Variants in UPRT observed in about 807,000 individuals in gnomAD.
The protein encoded by UPRT is uracil phosphoribosyltransferase homolog, also known as RP11-311P8.3.
A neutral mutation model predicts 22.6 loss-of-function variants in UPRT; 5 were observed. The observed-to-expected ratio is 0.22, with a 90% CI of 0.12 to 0.47. The LOEUF is 0.47. Ranked by LOEUF, UPRT falls within the 20% of genes least tolerant of loss-of-function variation. The pLI is 0.99. For synonymous variants in UPRT, 77 were observed against 87.7 expected (o/e 0.88, Z 0.68); for missense variants, 181 against 239.9 (o/e 0.75, Z 1.62).
chrX:75,182,964 T>A (rs766796719), intron 4 of UPRT, among the ~76,000 whole-genome samples: 1 of 111,251 alleles, frequency 9.0e-6, no homozygotes, highest in Admixed American at 9.6e-5. Context: ...TCTTTCTAAA[T>A]TTTTGACGTG....
upstream of UPRT, among the ~76,000 whole-genome samples, chrX:75,270,576 T>C (rs1394513450): frequency 3.6e-5 from 4 of 111,805 alleles, no homozygotes; most frequent in Non-Finnish European, 7.5e-5. Flanking sequence ...CATGCAGCTA[T>C]AAAAACAGGA....
chrX:75,162,853 G>A (rs906216710), intron 2 of UPRT, among the ~76,000 whole-genome samples: 7 of 111,902 alleles, frequency 6.3e-5, no homozygotes, highest in African/African-American at 1.3e-4. Context: ...CATCGAGGTA[G>A]TACTGAATGG....
At chrX:75,159,770 A>ATTTT (rs35651743) in intron 1 of UPRT, among the ~76,000 whole-genome samples, 3 of 46,313 alleles carry the variant, frequency 6.5e-5, no homozygotes, top group Non-Finnish European at 9.3e-5. Flanking sequence ...CTTGCCTTAA[A>ATTTT]TTTTTTTTTT....
intron 4 of UPRT, among the ~76,000 whole-genome samples, chrX:75,251,321 T>C (rs1453808819): frequency 9.0e-6 from 1 of 111,640 alleles, no homozygotes; most frequent in Non-Finnish European, 1.9e-5. Context: ...CCCGATCGTC[T>C]CAGCCCAAAA....
At chrX:75,260,388 A>G (rs2082563843) in intron 4 of UPRT, among the ~76,000 whole-genome samples, 1 of 112,291 alleles carries the variant, frequency 8.9e-6, no homozygotes, top group South Asian at 3.7e-4. Context: ...ATAGGTTCAA[A>G]ATAAAGGGAT....
intron 4 of UPRT, among the ~76,000 whole-genome samples, chrX:75,224,861 G>A (rs932226825): frequency 3.6e-5 from 4 of 111,193 alleles, no homozygotes; most frequent in South Asian, 3.8e-4. Flanking sequence ...GGGCTCTTAG[G>A]TTTAAATGCC....
At chrX:75,248,517 T>TA (rs1446337837) in intron 4 of UPRT, among the ~76,000 whole-genome samples, 1 of 111,382 alleles carries the variant, frequency 9.0e-6, no homozygotes, top group Non-Finnish European at 1.9e-5. Flanking sequence ...GAAAAAAGAC[T>TA]AAAAAGAAAT....
chrX:75,216,462 C>A (rs2082393143), intron 4 of UPRT, among the ~76,000 whole-genome samples: 1 of 112,349 alleles, frequency 8.9e-6, no homozygotes, highest in Non-Finnish European at 1.9e-5. Context: ...GCAAGAATGG[C>A]TGGATAATTC....
At position 75,274,173 on chromosome X, in the gene UPRT, G is replaced by A; in HGVS notation, c.-82G>A. On this transcript the variant is annotated 5_prime_UTR_variant, in exon 1 of 7. Coordinates refer to ENST00000373383, the MANE Select transcript of UPRT (RefSeq NM_145052.4). ...TGAGGAGGCGGGAGCAACCGAGAGAGCACGTGAGCATCTGTCCTTTCTACC... is the reference window on the plus strand; with the variant it reads ...TGAGGAGGCGGGAGCAACCGAGAGAACACGTGAGCATCTGTCCTTTCTACC... 8.8e-7 allele frequency: 1 copy of A among 1,132,291 alleles called. No individual in the cohort carries two copies. Among genetic ancestry groups the A allele is most frequent in the Admixed American group, 2.9e-5 (1 of 34,990 alleles). 93.3% of individuals were successfully genotyped at this position (1,132,291 alleles called of 1,213,427 possible). A position where few individuals can be genotyped will look rare whatever the true frequency, so the allele number is the denominator to read the frequency against.
At position 75,267,208 on chromosome X, in the gene UPRT, A is replaced by G. The variant is rs192130271; in HGVS notation, c.-446-23816A>G. Among the ~76,000 whole-genome samples the G allele has an allele frequency of 7.9e-3, 886 of 112,192 alleles. 11 individuals carry two copies. The highest frequency in any genetic ancestry group is 0.026 in the African/African-American group (816 of 30,903). The stretch of plus-strand genomic sequence containing the variant: ...CAACCGAAATGTCCATCAGTGATAG[A>G]TTGGATTAAGAAAATGTTGCACATA... On this transcript the variant is annotated intron_variant, in intron 4 of 13. Transcript: ENST00000652605.
At chrX:75,274,672 G>A (rs921759327) in intron 1 of UPRT, 32 bp downstream of exon 1, 2 of 1,163,381 alleles carry the variant, frequency 1.7e-6, no homozygotes, top group Non-Finnish European at 2.3e-6. Flanking sequence ...AAAGGGAAGT[G>A]GAGGGTCTTG....
chrX:75,209,355 C>T (rs895442542), intron 4 of UPRT, among the ~76,000 whole-genome samples: 3 of 110,642 alleles, frequency 2.7e-5, no homozygotes, highest in Non-Finnish European at 3.8e-5. Flanking sequence ...GAGCACAGTC[C>T]GACTTCCGGT....
chrX:75,265,164 T>C (rs1356935926), intron 4 of UPRT, among the ~76,000 whole-genome samples: 1 of 111,061 alleles, frequency 9.0e-6, no homozygotes, highest in Non-Finnish European at 1.9e-5. Context: ...TGTCTTGGAG[T>C]TGCTCTTCTC....
chrX:75,185,035 T>A (rs1217216859), intron 4 of UPRT, among the ~76,000 whole-genome samples: 1 of 111,482 alleles, frequency 9.0e-6, no homozygotes, highest in East Asian at 2.8e-4. Flanking sequence ...CTGATTGCCC[T>A]GGCCAGAACT....
chrX:75,249,440 A>C (rs764061739), intron 4 of UPRT, among the ~76,000 whole-genome samples: 1 of 111,942 alleles, frequency 8.9e-6, no homozygotes, highest in Non-Finnish European at 1.9e-5. Flanking sequence ...TTTTAAACCA[A>C]CAAAGATCAA....
intron 4 of UPRT, among the ~76,000 whole-genome samples, chrX:75,249,048 T>G (rs1226945030): frequency 9.0e-6 from 1 of 110,729 alleles, no homozygotes; most frequent in East Asian, 2.8e-4. Context: ...CTAAAAGAGC[T>G]CCTAAAGGAA....
chrX:75,232,488 G>A (rs2082442057), intron 4 of UPRT, among the ~76,000 whole-genome samples: 2 of 112,591 alleles, frequency 1.8e-5, no homozygotes, highest in Admixed American at 9.3e-5. Flanking sequence ...CTGGGGGCAG[G>A]GCACAAACAA....
rs1396529197 is a variant in UPRT, at chrX:75,289,435, C to G, written c.387-4037C>G. On this transcript the variant is annotated intron_variant, in intron 1 of 6. Coordinates refer to ENST00000373383, the MANE Select transcript of UPRT (RefSeq NM_145052.4). ...CTCAAACTACCAACATTATTTTGCTCAGAATTGGAAAAAAAAAAAACTATT... is the reference window on the plus strand; with the variant it reads ...CTCAAACTACCAACATTATTTTGCTGAGAATTGGAAAAAAAAAAAACTATT... Among the ~76,000 whole-genome samples the G allele has an allele frequency of 7.4e-5, 3 of 40,730 alleles. No homozygotes were observed. In the East Asian group the frequency reaches 4.3e-3, roughly 59 times the overall value. 35.4% of individuals were successfully genotyped at this position (40,730 alleles called of 115,157 possible). A position where few individuals can be genotyped will look rare whatever the true frequency, so the allele number is the denominator to read the frequency against.
intron 4 of UPRT, among the ~76,000 whole-genome samples, chrX:75,191,698 A>C (rs1401290073): frequency 2.7e-5 from 3 of 112,125 alleles, no homozygotes; most frequent in Non-Finnish European, 5.6e-5. Context: ...GCCACCTTGC[A>C]GTTGGATCTC....
Sources: allele counts gnomAD v4.1 joint callset (sites outside exome capture counted in the v4.1 genomes callset), GRCh38; gene constraint gnomAD v4.1.1; transcripts MANE v1.5; gene names NCBI Gene and HGNC (gene_info 2026-07-23, HGNC 2026-07-21).